The following GSG1L variants were observed in gnomAD, a reference collection of about 807,000 sequenced individuals.
GSG1L encodes the protein GSG1 like.
A neutral mutation model predicts 42.1 loss-of-function variants in GSG1L; 24 were observed. The ratio of observed to expected loss-of-function variants is 0.57; its 90% confidence interval spans 0.41 to 0.80. The LOEUF is 0.80. Among genes scored for constraint, GSG1L ranks in the 30% least tolerant of loss-of-function variants. GSG1L has a pLI of 0.00. For synonymous variants in GSG1L, 215 were observed against 203.5 expected, an observed-to-expected ratio of 1.06 and a Z score of -0.48; for missense variants, 445 against 472.2, an observed-to-expected ratio of 0.94 and a Z score of 0.53.
At chr16:27,810,195 G>A (rs980710647) in intron 5 of GSG1L, among the ~76,000 whole-genome samples, 2 of 152,166 alleles carry the variant, frequency 1.3e-5, no homozygotes, top group Non-Finnish European at 2.9e-5. Context: ...AATGGCAGGT[G>A]AGGCTGGGTG....
At chr16:28,049,634 C>G (rs1271866691) in intron 1 of GSG1L, among the ~76,000 whole-genome samples, 1 of 151,630 alleles carries the variant, frequency 6.6e-6, no homozygotes, top group Non-Finnish European at 1.5e-5. Context: ...CTTCAGTGAG[C>G]TGTGATTGCA....
rs554351073 is a variant in GSG1L, at chr16:27,951,179, G to T, written c.397+11977C>A. Among the ~76,000 whole-genome samples the T allele has an allele frequency of 5.3e-5, 8 of 152,326 alleles. No individual in the cohort carries two copies. In the East Asian group the frequency reaches 1.5e-3, roughly 29 times the overall value. The stretch of plus-strand genomic sequence containing the variant: ...CCGAGAATTAACTGGCATCAGGTGA[G>T]CCAGCCTCTGCTGTGAGTTGACTGA... On this transcript the variant is annotated intron_variant, in intron 2 of 6. Coordinates refer to ENST00000447459, the MANE Select transcript of GSG1L (RefSeq NM_001109763.2).
At chr16:27,990,235 T>C (rs2085440124) in intron 1 of GSG1L, among the ~76,000 whole-genome samples, 1 of 152,216 alleles carries the variant, frequency 6.6e-6, no homozygotes, top group Non-Finnish European at 1.5e-5. Flanking sequence ...TTTTTCTTTC[T>C]TTTGAGCTAT....
At chr16:27,866,555 G>T (rs1733087589) in intron 3 of GSG1L, among the ~76,000 whole-genome samples, 1 of 152,088 alleles carries the variant, frequency 6.6e-6, no homozygotes, top group African/African-American at 2.4e-5. Flanking sequence ...CCCAAATGCA[G>T]GCTCTCACTT....
intron 2 of GSG1L, among the ~76,000 whole-genome samples, chr16:27,922,877 C>T (rs2084542333): frequency 1.3e-5 from 2 of 152,120 alleles, no homozygotes; most frequent in Admixed American, 6.5e-5. Flanking sequence ...TCACACGACC[C>T]CCTGGGCTTA....
In GSG1L at chr16:27,793,263, G is replaced by A. The variant is rs188953330; in HGVS notation, c.899-1796C>T. Among the ~76,000 whole-genome samples the A allele has an allele frequency of 4.9e-4, 74 of 152,256 alleles. 1 individual carries two copies. Among genetic ancestry groups the A allele is most frequent in the African/African-American group, 1.8e-3 (73 of 41,542 alleles). ...GGAAGATGGTTGTGTCCATAGCTGG[G>A]GTGGGGGGTAATATTTTTGGCTTTC... is the stretch of plus-strand genomic sequence containing the variant. On this transcript the variant is annotated intron_variant, in intron 6 of 6. Coordinates refer to ENST00000447459, the MANE Select transcript of GSG1L (RefSeq NM_001109763.2).
chr16:28,024,915 C>T (rs937167896), intron 1 of GSG1L, among the ~76,000 whole-genome samples: 1 of 152,194 alleles, frequency 6.6e-6, no homozygotes, highest in African/African-American at 2.4e-5. Context: ...ACCAAAGTTC[C>T]CTGTGTGCTG....
At chr16:27,916,767 A>G (rs1359795858) in intron 2 of GSG1L, among the ~76,000 whole-genome samples, 1 of 152,138 alleles carries the variant, frequency 6.6e-6, no homozygotes. Context: ...GTTGTTAAAA[A>G]CTAAAAGAGT....
At chr16:27,832,516 G>T (rs2083283515) in intron 4 of GSG1L, among the ~76,000 whole-genome samples, 1 of 152,156 alleles carries the variant, frequency 6.6e-6, no homozygotes, top group Non-Finnish European at 1.5e-5. Flanking sequence ...TAATTATCTG[G>T]AGCATCATCC....
At chr16:27,792,384 G>C (rs2082765387) in intron 6 of GSG1L, among the ~76,000 whole-genome samples, 1 of 152,140 alleles carries the variant, frequency 6.6e-6, no homozygotes, top group African/African-American at 2.4e-5. Context: ...ACTGGACAAG[G>C]GGAAGGGCTG....
chr16:27,850,246 C>T (rs147438302), intron 3 of GSG1L, among the ~76,000 whole-genome samples: 3,682 of 151,526 alleles, frequency 0.024, 145 homozygotes, highest in African/African-American at 0.085. Context: ...TCAGGCTGGT[C>T]TTGAACTCCT....
chr16:27,820,555 G>T (rs1343885022), intron 5 of GSG1L, among the ~76,000 whole-genome samples: 2 of 152,144 alleles, frequency 1.3e-5, no homozygotes, highest in Non-Finnish European at 2.9e-5. Context: ...AGCCATTGGG[G>T]CATGCGGTTG....
chr16:28,031,101 T>A (rs2085957245), intron 1 of GSG1L, among the ~76,000 whole-genome samples: 1 of 143,016 alleles, frequency 7.0e-6, no homozygotes, highest in African/African-American at 2.6e-5. Flanking sequence ...TGGGATGGGT[T>A]GGAATAAGAT....
chr16:27,888,589 C>T (rs1328706455), intron 2 of GSG1L, among the ~76,000 whole-genome samples: 3 of 143,358 alleles, frequency 2.1e-5, no homozygotes. Context: ...CTTTCTCCGT[C>T]TCTCTCTGTC....
chr16:27,973,627 G>A (rs2085218869), intron 1 of GSG1L, among the ~76,000 whole-genome samples: 1 of 152,036 alleles, frequency 6.6e-6, no homozygotes, highest in South Asian at 2.1e-4. Flanking sequence ...GTCACGCACT[G>A]GTTCAGTGCA....
At chr16:27,882,787 G>A (rs1370691454) in intron 3 of GSG1L, among the ~76,000 whole-genome samples, 9 of 152,152 alleles carry the variant, frequency 5.9e-5, no homozygotes, top group Admixed American at 5.9e-4. Context: ...AGTTAGAATT[G>A]TCTGATGAAT....
intron 2 of GSG1L, among the ~76,000 whole-genome samples, chr16:27,941,499 C>T (rs1348614093): frequency 1.1e-4 from 15 of 142,440 alleles, no homozygotes; most frequent in Admixed American, 9.6e-4. Flanking sequence ...GGCTAAACCC[C>T]GTCTCTACTA....
In GSG1L at chr16:28,063,055, C is replaced by T; in HGVS notation, c.349+21G>A. The T allele has an allele frequency of 7.2e-7, 1 of 1,394,088 alleles. No homozygotes were observed. Among genetic ancestry groups the T allele is most frequent in the Non-Finnish European group, 9.4e-7 (1 of 1,067,824 alleles). 86.4% of individuals were successfully genotyped at this position (1,394,088 alleles called of 1,614,324 possible). ...CCCGGGGGAGCCGGAGCCGAGCTGG[C>T]CGCCGCCCGCGCGCACTCACCAAGC... is the stretch of plus-strand genomic sequence containing the variant. On this transcript the variant is annotated intron_variant, in intron 1 of 6. Coordinates refer to ENST00000447459, the MANE Select transcript of GSG1L (RefSeq NM_001109763.2). This position sits in a 1 kb window ranked among gnomAD's most constrained non-coding sequence, Gnocchi z 5.8.
chr16:27,881,240 T>TA (rs1400722951), intron 3 of GSG1L, among the ~76,000 whole-genome samples: 1 of 132,374 alleles, frequency 7.6e-6, no homozygotes, highest in Admixed American at 7.3e-5. Flanking sequence ...GTATCATACT[T>TA]TTTTTTTTTT....
Sources: allele counts gnomAD v4.1 joint callset (sites outside exome capture counted in the v4.1 genomes callset), GRCh38; gene constraint gnomAD v4.1.1; non-coding constraint Gnocchi (gnomAD v3.1); transcripts MANE v1.5; gene names NCBI Gene and HGNC (gene_info 2026-07-23, HGNC 2026-07-21).